Variants in RBFOX3 observed in about 807,000 individuals in gnomAD.
The protein encoded by RBFOX3 is RNA binding protein fox-1 homolog 3.
A neutral mutation model predicts 48.7 loss-of-function variants in RBFOX3; 17 were observed. That is an observed-to-expected ratio of 0.35 (90% CI 0.24 to 0.52). The LOEUF is 0.52. RBFOX3 is among the 20% of genes least tolerant of loss of function. The pLI, the probability that RBFOX3 is intolerant of heterozygous loss-of-function variation, is 0.94. For missense variants in RBFOX3, 382 were observed against 497.5 expected, an observed-to-expected ratio of 0.77 and a Z score of 2.21; for synonymous variants, 212 against 209.5, an observed-to-expected ratio of 1.01 and a Z score of -0.10.
intron 1 of RBFOX3, among the ~76,000 whole-genome samples, chr17:79,534,601 T>C (rs1415298679): frequency 6.6e-6 from 1 of 152,176 alleles, no homozygotes; most frequent in Admixed American, 6.5e-5. Context: ...ACACCACTGG[T>C]CCCTGAAGCT....
chr17:79,360,814 T>C (rs919532719), intron 2 of RBFOX3, among the ~76,000 whole-genome samples: 8 of 139,756 alleles, frequency 5.7e-5, no homozygotes, highest in African/African-American at 2.2e-4. Flanking sequence ...AAAATTGCTC[T>C]GGATCAAATT....
At chr17:79,501,854 G>C (rs1030784979) in intron 1 of RBFOX3, among the ~76,000 whole-genome samples, 1 of 152,202 alleles carries the variant, frequency 6.6e-6, no homozygotes, top group Non-Finnish European at 1.5e-5. Context: ...AGAAAGAGAA[G>C]AGGGAAAACG....
intron 4 of RBFOX3, among the ~76,000 whole-genome samples, chr17:79,142,215 T>C (rs2019965): frequency 0.32 from 49,117 of 151,836 alleles, 8,160 homozygotes; most frequent in East Asian, 0.56. Flanking sequence ...CTGTGTGCCT[T>C]GTCTGTAATT....
intron 2 of RBFOX3, among the ~76,000 whole-genome samples, chr17:79,310,020 C>T (rs970483533): frequency 5.3e-5 from 8 of 152,152 alleles, no homozygotes; most frequent in South Asian, 2.1e-4. Flanking sequence ...GGAAGTTTCC[C>T]GAGGACACGT....
the RBFOX3 span, among the ~76,000 whole-genome samples, chr17:79,652,169 G>A: frequency 6.6e-6 from 1 of 152,116 alleles, no homozygotes; most frequent in East Asian, 1.9e-4. Context: ...TTGTGACATA[G>A]TAATAGATAA....
chr17:79,411,430 C>T (rs1598576708), intron 2 of RBFOX3, among the ~76,000 whole-genome samples: 2 of 152,164 alleles, frequency 1.3e-5, no homozygotes, highest in Non-Finnish European at 2.9e-5. Context: ...CTGTGTGGAG[C>T]ATTCTTCCCT....
chr17:79,448,209 G>T (rs2072739077), intron 2 of RBFOX3, among the ~76,000 whole-genome samples: 1 of 152,148 alleles, frequency 6.6e-6, no homozygotes, highest in African/African-American at 2.4e-5. Context: ...CCCAGAAGAG[G>T]GGGTGGGGGT....
At chr17:79,580,063 G>T (rs2144775928) in intron 1 of RBFOX3, among the ~76,000 whole-genome samples, 1 of 152,118 alleles carries the variant, frequency 6.6e-6, no homozygotes, top group East Asian at 1.9e-4. Flanking sequence ...TCCCTCCGAG[G>T]TAACTGCACC....
intron 1 of RBFOX3, among the ~76,000 whole-genome samples, chr17:79,557,414 G>C (rs887656352): frequency 8.9e-6 from 1 of 112,920 alleles, no homozygotes; most frequent in African/African-American, 3.4e-5. Context: ...TCCAAACCCC[G>C]AGAAAACCCA....
At chr17:79,334,557 A>T (rs1380554204) in intron 2 of RBFOX3, among the ~76,000 whole-genome samples, 1 of 152,210 alleles carries the variant, frequency 6.6e-6, no homozygotes, top group Non-Finnish European at 1.5e-5. Context: ...GCCCCTAGGA[A>T]ACCTCTTCCC....
intron 4 of RBFOX3, among the ~76,000 whole-genome samples, chr17:79,124,068 ATGGAGGTGGCGGC>A (rs1446838404): frequency 2.6e-5 from 4 of 152,214 alleles, no homozygotes; most frequent in African/African-American, 9.7e-5. Context: ...ATGAGTTGGC[ATGGAGGTGGCGGC>A]TGGCTCATCC....
intron 2 of RBFOX3, among the ~76,000 whole-genome samples, chr17:79,399,566 G>A (rs1258814562): frequency 1.3e-5 from 2 of 152,064 alleles, no homozygotes; most frequent in African/African-American, 2.4e-5. Flanking sequence ...ATCCCACACG[G>A]TGGCCGCACC....
intron 4 of RBFOX3, among the ~76,000 whole-genome samples, chr17:79,171,237 C>T (rs1008845723): frequency 6.6e-6 from 1 of 152,228 alleles, no homozygotes; most frequent in Non-Finnish European, 1.5e-5. Context: ...GTTACACAAA[C>T]ACGTCATTAG....
At chr17:79,268,085 T>C (rs891051928) in intron 3 of RBFOX3, among the ~76,000 whole-genome samples, 5 of 152,184 alleles carry the variant, frequency 3.3e-5, no homozygotes, top group Admixed American at 3.3e-4. Context: ...CATCATCCGT[T>C]GTCTCTCCCA....
At chr17:79,656,706 AAG>A in the RBFOX3 span, among the ~76,000 whole-genome samples, 1 of 9,516 alleles carries the variant, frequency 1.1e-4, no homozygotes. Flanking sequence ...GGAAGGAAGG[AAG>A]GAGAGAGAGA....
chr17:79,485,841 A>G (rs2149529812), intron 1 of RBFOX3, among the ~76,000 whole-genome samples: 1 of 152,306 alleles, frequency 6.6e-6, no homozygotes, highest in East Asian at 1.9e-4. Context: ...AAGGCGCTGC[A>G]TCCTAGCCCC....
At chr17:79,468,665 G>GGATA (rs1319978196) in intron 2 of RBFOX3, among the ~76,000 whole-genome samples, 5 of 150,048 alleles carry the variant, frequency 3.3e-5, no homozygotes, top group African/African-American at 9.8e-5. Flanking sequence ...ATGGATGGAT[G>GGATA]GATAGATAGA....
chr17:79,167,612 C>T (rs1023965266), intron 4 of RBFOX3, among the ~76,000 whole-genome samples: 1 of 152,212 alleles, frequency 6.6e-6, no homozygotes, highest in Non-Finnish European at 1.5e-5. Flanking sequence ...TCTCTCACCC[C>T]GGGCTCACTC....
chr17:79,264,852 C>T lies in RBFOX3; in HGVS notation c.-73-29047G>A, dbSNP rs551855666. ...GTGCCTTCTCCTTGGCTCCTGCCCCCGCTGGAAGGTTCTGCTCCCCTGTAC... is the reference window on the plus strand; with the variant it reads ...GTGCCTTCTCCTTGGCTCCTGCCCCTGCTGGAAGGTTCTGCTCCCCTGTAC... On this transcript the variant is annotated intron_variant, in intron 3 of 14. Coordinates refer to ENST00000693108, the MANE Select transcript of RBFOX3 (RefSeq NM_001350451.2). 1.1e-4 allele frequency among the ~76,000 whole-genome samples: 17 copies of T among 152,194 alleles called. No individual in the cohort carries two copies. In the East Asian group the frequency reaches 2.1e-3, roughly 19 times the overall value.
Sources: gnomAD v4.1 joint callset for allele counts (sites outside exome capture counted in the v4.1 genomes callset) on GRCh38, gnomAD v4.1.1 for gene constraint, MANE v1.5 for transcripts, NCBI Gene and HGNC (gene_info 2026-07-23, HGNC 2026-07-21) for gene names.